The following SCN11A variants were observed in gnomAD, a reference collection of about 807,000 sequenced individuals.
SCN11A encodes sodium channel protein type 11 subunit alpha.
SCN11A carries 122 observed loss-of-function variants against 162.2 expected under a neutral mutation model. The observed-to-expected ratio is 0.75, with a 90% CI of 0.65 to 0.87. SCN11A has a LOEUF of 0.87. Among genes scored for constraint, SCN11A ranks in the 40% least tolerant of loss-of-function variants. SCN11A has a pLI of 0.00. For synonymous variants in SCN11A, 758 were observed against 751.5 expected, an observed-to-expected ratio of 1.01 and a Z score of -0.14; for missense variants, 2,015 against 2,181.6, an observed-to-expected ratio of 0.92 and a Z score of 1.52.
At chr3:39,046,273 A>G (rs6780772) in intron 1 of SCN11A, among the ~76,000 whole-genome samples, 63,494 of 140,494 alleles carry the variant, frequency 0.45, 16,913 homozygotes, top group African/African-American at 0.77. Flanking sequence ...AAGAAAGGAC[A>G]GAAGCAAGGA....
chr3:38,854,567 C>T (rs554081781), intron 28 of SCN11A, among the ~76,000 whole-genome samples: 12 of 152,250 alleles, frequency 7.9e-5, no homozygotes, highest in South Asian at 4.2e-4. Context: ...CAAGAACCAC[C>T]GCAGGAACGT....
At chr3:39,010,223 T>C (rs939248042) in intron 2 of SCN11A, among the ~76,000 whole-genome samples, 3 of 151,946 alleles carry the variant, frequency 2.0e-5, no homozygotes, top group Non-Finnish European at 4.4e-5. Context: ...CAAATAAAAG[T>C]AGAGGTAGTG....
intron 2 of SCN11A, among the ~76,000 whole-genome samples, chr3:38,971,491 T>TC (rs1333946686): frequency 2.0e-5 from 3 of 151,990 alleles, no homozygotes; most frequent in Non-Finnish European, 4.4e-5. Context: ...TGTCCTCATC[T>TC]CCCCCGCACT....
At chr3:38,935,698 A>G (rs1372226381) in intron 7 of SCN11A, among the ~76,000 whole-genome samples, 1 of 152,250 alleles carries the variant, frequency 6.6e-6, no homozygotes, top group African/African-American at 2.4e-5. Context: ...CTCTCTGAAT[A>G]GACCAATAAC....
At chr3:38,980,107 G>A (rs2029973981) in intron 2 of SCN11A, among the ~76,000 whole-genome samples, 1 of 152,206 alleles carries the variant, frequency 6.6e-6, no homozygotes, top group South Asian at 2.1e-4. Flanking sequence ...AGTCCCCACA[G>A]CTGAGGAAGC....
chr3:38,886,213 T>C lies in SCN11A; in HGVS notation c.2861A>G (p.Lys954Arg), dbSNP rs1559508123. The change falls in exon 20 of 30, where the codon AAG becomes AGG. Residue 954 changes from lysine (K) to arginine (R), a missense_variant. Physicochemically the swap from Lys to Arg is conservative, Grantham distance 26. Transcript: ENST00000302328. Reference sequence around the variant, plus strand: ...TTGAACTCTCTGGCTCGTGGGCTTCTTGTTCTCCTGATGGAGCTCATAGGC... The same window carrying C: ...TTGAACTCTCTGGCTCGTGGGCTTCCTGTTCTCCTGATGGAGCTCATAGGC... Reference protein sequence around the residue: ...QQAYELHQENKKPTSQRVQSV... With the variant: ...QQAYELHQENRKPTSQRVQSV... 1.2e-6 allele frequency: 2 copies of C among 1,612,750 alleles called. No individual in the cohort carries two copies. The highest frequency in any genetic ancestry group is 1.3e-5 in the African/African-American group (1 of 75,010).
At chr3:38,886,009 A>C (rs972605189) in intron 20 of SCN11A, 116 bp downstream of exon 20, 6 of 658,418 alleles carry the variant, frequency 9.1e-6, no homozygotes, top group Non-Finnish European at 1.3e-5. Context: ...TTTTGCTCAA[A>C]ACTCGATTCT....
At chr3:38,870,319 A>G (rs1339580946) in intron 26 of SCN11A, among the ~76,000 whole-genome samples, 1 of 152,212 alleles carries the variant, frequency 6.6e-6, no homozygotes, top group Non-Finnish European at 1.5e-5. Flanking sequence ...GGTTTCCCAC[A>G]ATCTAAAACA....
chr3:38,979,323 G>A (rs527895881), intron 2 of SCN11A, among the ~76,000 whole-genome samples: 142 of 152,314 alleles, frequency 9.3e-4, no homozygotes, highest in African/African-American at 3.3e-3. Flanking sequence ...CAACACCTGT[G>A]TTTCTGACTT....
intron 20 of SCN11A, 51 bp from the exon 21 acceptor site, chr3:38,885,453 C>CG: frequency 2.1e-6 from 2 of 975,278 alleles, no homozygotes; most frequent in Non-Finnish European, 3.3e-6. Context: ...GACCTTCTTT[C>CG]ACCATAGTAG....
intron 2 of SCN11A, among the ~76,000 whole-genome samples, chr3:38,960,803 C>G (rs530849847): frequency 3.9e-5 from 6 of 152,284 alleles, no homozygotes; most frequent in African/African-American, 1.2e-4. Flanking sequence ...CATTTGGCAT[C>G]TCCTCCTTTC....
chr3:38,967,949 A>G (rs372109811), intron 2 of SCN11A, among the ~76,000 whole-genome samples: 1 of 152,152 alleles, frequency 6.6e-6, no homozygotes, highest in Non-Finnish European at 1.5e-5. Flanking sequence ...TCCAATTCTA[A>G]TATACAGTAT....
intron 7 of SCN11A, among the ~76,000 whole-genome samples, chr3:38,927,608 T>C (rs760623386): frequency 6.6e-6 from 1 of 152,134 alleles, no homozygotes; most frequent in Non-Finnish European, 1.5e-5. Context: ...GGAAAGAGAT[T>C]TAATTGACTC....
chr3:39,014,665 G>A (rs148810975), intron 2 of SCN11A, among the ~76,000 whole-genome samples: 2,133 of 152,326 alleles, frequency 0.014, 18 homozygotes, highest in Non-Finnish European at 0.018. Context: ...ATGGTAAAAT[G>A]AGTTCTGTGA....
chr3:39,014,445 C>A (rs1420709975), intron 2 of SCN11A, among the ~76,000 whole-genome samples: 1 of 152,204 alleles, frequency 6.6e-6, no homozygotes, highest in African/African-American at 2.4e-5. Context: ...ACAGTGTGCT[C>A]TTGCCAGGAG....
At chr3:38,983,961 C>T (rs746105509) in intron 2 of SCN11A, among the ~76,000 whole-genome samples, 1 of 152,182 alleles carries the variant, frequency 6.6e-6, no homozygotes, top group Non-Finnish European at 1.5e-5. Flanking sequence ...ATGATCACCT[C>T]ATTGATTTGT....
At chr3:38,968,983 ATACATACAC>A (rs2066800546) in intron 2 of SCN11A, among the ~76,000 whole-genome samples, 7 of 152,310 alleles carry the variant, frequency 4.6e-5, no homozygotes, top group Admixed American at 4.6e-4. Context: ...ACAGATACAA[ATACATACAC>A]ACTCCAATTC....
At chr3:38,964,667 A>C (rs1221248265) in intron 2 of SCN11A, among the ~76,000 whole-genome samples, 1 of 152,220 alleles carries the variant, frequency 6.6e-6, no homozygotes, top group Admixed American at 6.5e-5. Flanking sequence ...AAGCAGGTGC[A>C]AGGGCACACA....
chr3:38,910,030 G>A (rs181765363), intron 12 of SCN11A, 36 bp downstream of exon 12: 1 of 1,599,592 alleles, frequency 6.3e-7, no homozygotes, highest in East Asian at 2.2e-5. Context: ...GATGGAGGGA[G>A]GGAGAGAGGA....
Sources: allele counts gnomAD v4.1 joint callset (sites outside exome capture counted in the v4.1 genomes callset), GRCh38; gene constraint gnomAD v4.1.1; transcripts MANE v1.5; gene names NCBI Gene and HGNC (gene_info 2026-07-23, HGNC 2026-07-21).